The following LSAMP variants were observed in gnomAD, a reference collection of about 807,000 sequenced individuals.
LSAMP encodes the protein limbic system-associated membrane protein.
In LSAMP, 7 loss-of-function variants were observed where a neutral mutation model predicts 38.6. That is an observed-to-expected ratio of 0.18 (90% CI 0.10 to 0.34). The LOEUF is 0.34. Ranked by LOEUF, LSAMP falls within the 10% of genes least tolerant of loss-of-function variation. The pLI is 1.00. For synonymous variants in LSAMP, 154 were observed against 166.8 expected, an observed-to-expected ratio of 0.92 and a Z score of 0.59; for missense variants, 313 against 420.0, an observed-to-expected ratio of 0.75 and a Z score of 2.23.
intron 3 of LSAMP, among the ~76,000 whole-genome samples, chr3:115,860,495 C>T (rs998244289): frequency 2.0e-5 from 3 of 152,148 alleles, no homozygotes; most frequent in Non-Finnish European, 4.4e-5. Flanking sequence ...GAGAAATTTC[C>T]AAAGCAATGC....
At chr3:116,281,885 G>T (rs1458030512) in intron 1 of LSAMP, among the ~76,000 whole-genome samples, 1 of 152,132 alleles carries the variant, frequency 6.6e-6, no homozygotes, top group Admixed American at 6.6e-5. Flanking sequence ...CTGACATCTT[G>T]AGAGGTACCA....
chr3:115,888,550 A>G (rs1936514404), intron 3 of LSAMP, among the ~76,000 whole-genome samples: 1 of 151,834 alleles, frequency 6.6e-6, no homozygotes, highest in South Asian at 2.1e-4. Flanking sequence ...ACACCTTCCA[A>G]TTACATTTTC....
chr3:116,268,447 G>C (rs2046922505), intron 1 of LSAMP, among the ~76,000 whole-genome samples: 1 of 152,006 alleles, frequency 6.6e-6, no homozygotes, highest in African/African-American at 2.4e-5. Context: ...CTGTATCTGA[G>C]GCATGGACGG....
At chr3:116,136,305 G>C (rs533549845) in intron 1 of LSAMP, among the ~76,000 whole-genome samples, 2 of 152,186 alleles carry the variant, frequency 1.3e-5, no homozygotes, top group East Asian at 1.9e-4. Context: ...TGCAGCAGAG[G>C]CTTCCTAGAA....
At chr3:115,883,217 AT>A (rs1197939244) in intron 3 of LSAMP, among the ~76,000 whole-genome samples, 1 of 152,086 alleles carries the variant, frequency 6.6e-6, no homozygotes. Flanking sequence ...TAAACAGAGG[AT>A]TTTGTACATT....
intron 1 of LSAMP, among the ~76,000 whole-genome samples, chr3:116,441,991 G>A (rs1262355058): frequency 6.6e-6 from 1 of 151,852 alleles, no homozygotes; most frequent in African/African-American, 2.4e-5. Flanking sequence ...AATTGAGTTA[G>A]GTATGTATAC....
chr3:115,807,379 C>G lies in LSAMP; in HGVS notation c.*2938G>C, dbSNP rs1313045762. 1 of 152,158 alleles carries G rather than the reference C, an allele frequency of 6.6e-6. No homozygotes were observed. Among genetic ancestry groups the G allele is most frequent in the Non-Finnish European group, 1.5e-5 (1 of 68,026 alleles). 9.4% of individuals were successfully genotyped at this position (152,158 alleles called of 1,614,324 possible). A position where few individuals can be genotyped will look rare whatever the true frequency, so the allele number is the denominator to read the frequency against. On this transcript the variant is annotated 3_prime_UTR_variant, in exon 7 of 7. Coordinates refer to ENST00000490035, the MANE Select transcript of LSAMP (RefSeq NM_002338.5). ...TTCAAGATCCTGCTAGAGACACAGG[C>G]AAACACCACATTTAAATATATGTTT...
chr3:116,059,907 G>A (rs1941559689), intron 2 of LSAMP, among the ~76,000 whole-genome samples: 1 of 152,172 alleles, frequency 6.6e-6, no homozygotes, highest in South Asian at 2.1e-4. Context: ...GCTGGAGGTA[G>A]GGCTGGCTTG....
At chr3:116,082,514 A>C (rs1176131576) in intron 2 of LSAMP, among the ~76,000 whole-genome samples, 3 of 152,178 alleles carry the variant, frequency 2.0e-5, no homozygotes, top group Admixed American at 6.5e-5. Context: ...CAAAATGTTG[A>C]CTTTGCTTCA....
At chr3:115,852,640 A>T (rs1261649735) in intron 3 of LSAMP, 23 bp from the exon 4 acceptor site, 1 of 1,601,160 alleles carries the variant, frequency 6.2e-7, no homozygotes, top group Non-Finnish European at 8.5e-7. Context: ...GGTTTTCATG[A>T]TTCTTTTTTA....
chr3:115,941,076 A>G (rs1937903412), intron 3 of LSAMP, among the ~76,000 whole-genome samples: 1 of 152,158 alleles, frequency 6.6e-6, no homozygotes, highest in African/African-American at 2.4e-5. Context: ...AACTCATACA[A>G]CTCAATAGCA....
intron 3 of LSAMP, among the ~76,000 whole-genome samples, chr3:115,897,997 C>T (rs955921057): frequency 2.6e-5 from 4 of 152,136 alleles, no homozygotes; most frequent in Non-Finnish European, 5.9e-5. Flanking sequence ...TCAAATCTCA[C>T]TCCAGATCCA....
chr3:115,963,191 A>G (rs1192177326), intron 3 of LSAMP, among the ~76,000 whole-genome samples: 2 of 152,184 alleles, frequency 1.3e-5, no homozygotes, highest in Non-Finnish European at 1.5e-5. Context: ...TATAAGTACA[A>G]CTACTAAATA....
At chr3:115,822,172 A>T (rs138412414) in intron 6 of LSAMP, among the ~76,000 whole-genome samples, 2,288 of 152,194 alleles carry the variant, frequency 0.015, 23 homozygotes, top group Non-Finnish European at 0.025. Context: ...CCCATGTATG[A>T]TATTCATGTT....
chr3:116,124,113 A>G (rs563315323), intron 1 of LSAMP, among the ~76,000 whole-genome samples: 1 of 152,240 alleles, frequency 6.6e-6, no homozygotes. Flanking sequence ...TGGAAAGAAC[A>G]ATGGAATCAC....
intron 1 of LSAMP, among the ~76,000 whole-genome samples, chr3:116,142,368 C>T (rs1233514207): frequency 6.6e-6 from 1 of 151,934 alleles, no homozygotes; most frequent in Non-Finnish European, 1.5e-5. Context: ...AATTAAACTC[C>T]AAAAGACATC....
At chr3:116,239,238 A>G (rs2046501730) in intron 1 of LSAMP, among the ~76,000 whole-genome samples, 2 of 152,178 alleles carry the variant, frequency 1.3e-5, no homozygotes, top group Admixed American at 6.5e-5. Flanking sequence ...CAATCAGTAT[A>G]TGCTGCTGAA....
chr3:116,160,128 G>A (rs1021326297), intron 1 of LSAMP, among the ~76,000 whole-genome samples: 2 of 152,130 alleles, frequency 1.3e-5, no homozygotes, highest in East Asian at 3.9e-4. Context: ...GGCTGGGCAC[G>A]GTGGCTCACA....
intron 3 of LSAMP, among the ~76,000 whole-genome samples, chr3:115,937,153 A>G (rs1937730345): frequency 6.6e-6 from 1 of 152,170 alleles, no homozygotes; most frequent in Non-Finnish European, 1.5e-5. Context: ...CTATCTGTCC[A>G]ACTATCTACT....
Sources: gnomAD v4.1 joint callset for allele counts (sites outside exome capture counted in the v4.1 genomes callset) on GRCh38, gnomAD v4.1.1 for gene constraint, MANE v1.5 for transcripts, NCBI Gene and HGNC (gene_info 2026-07-23, HGNC 2026-07-21) for gene names.